Variants in TMEM71 observed in about 807,000 individuals in gnomAD.
TMEM71 encodes the protein transmembrane protein 71.
A neutral mutation model predicts 38.0 loss-of-function variants in TMEM71; 44 were observed. The observed-to-expected ratio is 1.16, with a 90% CI of 0.91 to 1.49. The LOEUF (loss-of-function observed/expected upper bound fraction) is 1.49, where lower values mean the gene tolerates loss of function less well. Ranked by LOEUF, TMEM71 falls within the 40% of genes most tolerant of loss-of-function variation. The pLI is 0.00. For missense variants in TMEM71, 367 were observed against 348.6 expected (o/e 1.05, Z -0.42); for synonymous variants, 133 against 122.5 (o/e 1.09, Z -0.56).
intron 5 of TMEM71, among the ~76,000 whole-genome samples, chr8:132,744,044 C>T (rs893094608): frequency 6.6e-6 from 1 of 152,052 alleles, no homozygotes; most frequent in Admixed American, 6.5e-5. Context: ...TGGCACCTAC[C>T]ACAATCATTA....
intron 5 of TMEM71, among the ~76,000 whole-genome samples, chr8:132,734,001 G>C (rs1265188982): frequency 6.6e-6 from 1 of 152,110 alleles, no homozygotes; most frequent in Non-Finnish European, 1.5e-5. Context: ...AGGGGATAGG[G>C]GTTTGGGTGG....
intron 5 of TMEM71, among the ~76,000 whole-genome samples, chr8:132,737,130 G>A (rs1827793923): frequency 6.6e-6 from 1 of 152,162 alleles, no homozygotes; most frequent in Admixed American, 6.5e-5. Context: ...GTGAGTATCA[G>A]GTTTCTTTTT....
intron 7 of TMEM71, among the ~76,000 whole-genome samples, chr8:132,719,165 C>T (rs979313370): frequency 6.6e-6 from 1 of 152,186 alleles, no homozygotes; most frequent in Non-Finnish European, 1.5e-5. Flanking sequence ...CTTTAAGGTT[C>T]CTTGGTTGTC....
chr8:132,775,456 C>A, the TMEM71 span: 27 of 383,422 alleles, frequency 7.0e-5, no homozygotes, highest in Middle Eastern at 6.6e-4. Context: ...AGCTTGAGGG[C>A]TCGGACCCAG....
chr8:132,775,733 GC>G, the TMEM71 span: 1 of 288,006 alleles, frequency 3.5e-6, no homozygotes, highest in Non-Finnish European at 6.4e-6. Flanking sequence ...TCTCTTTCCG[GC>G]CCGCTCCCCT....
intron 7 of TMEM71, among the ~76,000 whole-genome samples, chr8:132,717,022 C>T (rs2131014310): frequency 6.6e-6 from 1 of 152,312 alleles, no homozygotes; most frequent in South Asian, 2.1e-4. Context: ...CACTTCAAAA[C>T]TTACTACACT....
At chr8:132,758,067 A>T (rs1034503694) in intron 2 of TMEM71, 2 of 152,214 alleles carry the variant, frequency 1.3e-5, no homozygotes, top group Non-Finnish European at 2.9e-5. Flanking sequence ...AATAATGAGC[A>T]AAAGACATTA....
At chr8:132,757,105 C>T in intron 3 of TMEM71, 129 bp downstream of exon 3, 2 of 482,388 alleles carry the variant, frequency 4.1e-6, no homozygotes, top group East Asian at 9.2e-5. Flanking sequence ...ACCGTGTTAG[C>T]CAGGATGGTC....
At chr8:132,746,782 A>G (rs546576363) in intron 5 of TMEM71, among the ~76,000 whole-genome samples, 160 bp downstream of exon 5, 1 of 152,274 alleles carries the variant, frequency 6.6e-6, no homozygotes, top group South Asian at 2.1e-4. Context: ...TTGATCACAC[A>G]TGTAATATAG....
chr8:132,756,555 A>G (rs933860072), intron 3 of TMEM71, among the ~76,000 whole-genome samples: 3 of 148,806 alleles, frequency 2.0e-5, no homozygotes, highest in African/African-American at 7.4e-5. Context: ...TAATACAACA[A>G]AGCAAGACAT....
chr8:132,736,876 C>T (rs917177172), intron 5 of TMEM71, among the ~76,000 whole-genome samples: 3 of 151,902 alleles, frequency 2.0e-5, no homozygotes, highest in Non-Finnish European at 4.4e-5. Flanking sequence ...AATGTTCTCA[C>T]AACAACAATA....
intron 6 of TMEM71, among the ~76,000 whole-genome samples, chr8:132,722,425 T>A (rs1826909076): frequency 6.6e-6 from 1 of 152,362 alleles, no homozygotes; most frequent in South Asian, 2.1e-4. Context: ...GAGTTTATGA[T>A]AATGTAAGAA....
chr8:132,729,715 G>A (rs992634791), intron 5 of TMEM71, among the ~76,000 whole-genome samples: 3 of 152,114 alleles, frequency 2.0e-5, no homozygotes, highest in Non-Finnish European at 4.4e-5. Context: ...AGTAGTCAAA[G>A]GTCTATGGAT....
downstream of TMEM71, among the ~76,000 whole-genome samples, chr8:132,707,023 T>C (rs34749143): frequency 0.11 from 16,501 of 152,218 alleles, 1,066 homozygotes; most frequent in East Asian, 0.3. Flanking sequence ...AGGAAGACAT[T>C]AAACTTTACC....
the TMEM71 span, among the ~76,000 whole-genome samples, chr8:132,770,848 T>C: frequency 2.0e-4 from 30 of 152,202 alleles, no homozygotes; most frequent in Non-Finnish European, 3.4e-4. Context: ...AAACCTAAGA[T>C]ATAAATCAGG....
At position 132,713,898 on chromosome 8, in the gene TMEM71, C is replaced by T. The variant is rs1480156518; in HGVS notation, c.872+97G>A. ...TCAGGACGAATGATCAGGATGTTTC[C>T]TGTCATTGCCATCTACTATGCAGCA... On this transcript the variant is annotated intron_variant, in intron 9 of 9. Transcript: ENST00000677595. 5 of 1,176,388 alleles carry T rather than the reference C, an allele frequency of 4.3e-6. No individual in the cohort carries two copies. In the East Asian group the frequency reaches 1.0e-4, roughly 24 times the overall value. 72.9% of individuals were successfully genotyped at this position (1,176,388 alleles called of 1,614,324 possible).
upstream of TMEM71, among the ~76,000 whole-genome samples, chr8:132,763,507 G>A (rs142294579): frequency 1.5e-3 from 228 of 152,308 alleles, no homozygotes; most frequent in African/African-American, 5.3e-3. Flanking sequence ...TGTTAATGGA[G>A]GTGATGCGTG....
At chr8:132,730,235 G>A in intron 5 of TMEM71, among the ~76,000 whole-genome samples, 1 of 152,140 alleles carries the variant, frequency 6.6e-6, no homozygotes, top group Non-Finnish European at 1.5e-5. Context: ...TAGGATTACA[G>A]GCATGAGTCA....
chr8:132,736,565 C>T (rs1827758040), intron 5 of TMEM71, among the ~76,000 whole-genome samples: 1 of 152,152 alleles, frequency 6.6e-6, no homozygotes, highest in South Asian at 2.1e-4. Context: ...CATGGTGGCT[C>T]ACACCTGTAA....
Sources: allele counts gnomAD v4.1 joint callset (sites outside exome capture counted in the v4.1 genomes callset), GRCh38; gene constraint gnomAD v4.1.1; transcripts MANE v1.5; gene names NCBI Gene and HGNC (gene_info 2026-07-23, HGNC 2026-07-21).